The following CHST15 variants were observed in gnomAD, a reference collection of about 807,000 sequenced individuals.
CHST15 encodes the protein B cell RAG associated protein (GALNAC4S-6ST).
Under a neutral mutation model 53.6 loss-of-function variants are expected in CHST15, and 30 were observed. That is an observed-to-expected ratio of 0.56 (90% CI 0.42 to 0.76). The LOEUF (loss-of-function observed/expected upper bound fraction) is 0.76, where lower values mean the gene tolerates loss of function less well. CHST15 is among the 30% of genes least tolerant of loss of function. The pLI, the probability that CHST15 is intolerant of heterozygous loss-of-function variation, is 0.00. For synonymous variants in CHST15, 296 were observed against 289.8 expected (o/e 1.02, Z -0.22); for missense variants, 627 against 740.5 (o/e 0.85, Z 1.78).
Position 124,019,652 on chromosome 10 carries a change from G to C in CHST15, c.1347+1604C>G. The C allele has an allele frequency of 2.1e-6, 1 of 480,748 alleles. No individual in the cohort carries two copies. The highest frequency in any genetic ancestry group is 8.8e-5 in the South Asian group (1 of 11,390). 29.8% of individuals were successfully genotyped at this position (480,748 alleles called of 1,614,324 possible). On this transcript the variant is annotated intron_variant, in intron 6 of 7. Coordinates refer to ENST00000435907, the MANE Select transcript of CHST15 (RefSeq NM_001270764.2). This position sits in a 1 kb window ranked among gnomAD's most constrained non-coding sequence, Gnocchi z 4.6. ...TGAAATTTACGTTAAACAAGTATGT[G>C]TGCTTTCTCGCGTTAGTCTTTTATT...
In CHST15 at chr10:124,019,479, T is replaced by C. The variant is rs1346024321; in HGVS notation, c.1347+1777A>G. Among the ~76,000 whole-genome samples the C allele has an allele frequency of 6.6e-6, 1 of 152,132 alleles. No homozygotes were observed. Among genetic ancestry groups the C allele is most frequent in the African/African-American group, 2.4e-5 (1 of 41,424 alleles). On this transcript the variant is annotated intron_variant, in intron 6 of 7. Transcript: ENST00000435907. This position sits in a 1 kb window ranked among gnomAD's most constrained non-coding sequence, Gnocchi z 4.6. ...CGAGACCCTGTGTCCCCTGTGACGGTGGCCACAGAGCCATTGAGTCATTCC... is the reference window on the plus strand; with the variant it reads ...CGAGACCCTGTGTCCCCTGTGACGGCGGCCACAGAGCCATTGAGTCATTCC...
At chr10:124,044,955 G>A (rs774402893) in intron 2 of CHST15, 36 bp from the exon 3 acceptor site, 9 of 1,373,226 alleles carry the variant, frequency 6.6e-6, no homozygotes, top group Admixed American at 2.9e-5. Context: ...CACAGAGGAG[G>A]GGAAAATGAG....
chr10:124,019,759 G>T lies in CHST15; in HGVS notation c.1347+1497C>A. On this transcript the variant is annotated intron_variant, in intron 6 of 7. Coordinates refer to ENST00000435907, the MANE Select transcript of CHST15 (RefSeq NM_001270764.2). The surrounding 1 kb of genome is among the most constrained non-coding windows in gnomAD (Gnocchi z 4.6). ...ATCTTCTGCTTAAAACCCTCTGAGG[G>T]GTCCCATCTCTCTCAGGGTGATGTC... The T allele has an allele frequency of 1.0e-6, 1 of 983,656 alleles. No individual in the cohort carries two copies. Among genetic ancestry groups the T allele is most frequent in the Non-Finnish European group, 1.2e-6 (1 of 828,334 alleles). The allele number at this position is 983,656 out of a possible 1,614,324, so 60.9% of individuals were successfully genotyped here. A position where few individuals can be genotyped will look rare whatever the true frequency, so the allele number is the denominator to read the frequency against.
intron 4 of CHST15, among the ~76,000 whole-genome samples, chr10:124,039,628 G>A (rs138943881): frequency 2.6e-5 from 4 of 152,222 alleles, no homozygotes; most frequent in South Asian, 4.1e-4. Flanking sequence ...TGGTCCTCAC[G>A]AGTGAAGGAT....
chr10:124,037,796 G>A (rs1947561387), intron 5 of CHST15, among the ~76,000 whole-genome samples: 1 of 152,196 alleles, frequency 6.6e-6, no homozygotes, highest in Non-Finnish European at 1.5e-5. Context: ...GCTGGAAACT[G>A]TACATTCAAC....
intron 1 of CHST15, among the ~76,000 whole-genome samples, chr10:124,062,508 C>T (rs527653708): frequency 3.9e-5 from 6 of 152,256 alleles, no homozygotes; most frequent in Non-Finnish European, 7.4e-5. Context: ...GGGAGATTAA[C>T]GGCAGTACCG....
intron 5 of CHST15, among the ~76,000 whole-genome samples, chr10:124,022,962 G>A (rs760319997): frequency 2.6e-5 from 4 of 151,700 alleles, no homozygotes; most frequent in Admixed American, 1.3e-4. Context: ...GACTACAGGC[G>A]CCTGCCCACC....
chr10:124,081,422 C>T (rs1430977213), intron 1 of CHST15, among the ~76,000 whole-genome samples: 1 of 152,168 alleles, frequency 6.6e-6, no homozygotes, highest in Non-Finnish European at 1.5e-5. Flanking sequence ...GCCCAGCATC[C>T]ATCCCCGGAG....
chr10:124,035,066 C>T (rs1947408732), intron 5 of CHST15, among the ~76,000 whole-genome samples: 3 of 141,960 alleles, frequency 2.1e-5, no homozygotes, highest in South Asian at 2.3e-4. Context: ...ACCCCGGCTC[C>T]ACCCCCTAAC....
chr10:124,010,785 A>G (rs972886443), intron 7 of CHST15: 3 of 985,408 alleles, frequency 3.0e-6, no homozygotes, highest in African/African-American at 1.7e-5. Context: ...CAGGCTGCTC[A>G]TGCCAAGGTC....
At chr10:124,022,222 C>T (rs771814205) in intron 5 of CHST15, among the ~76,000 whole-genome samples, 1 of 152,208 alleles carries the variant, frequency 6.6e-6, no homozygotes, top group Admixed American at 6.5e-5. Flanking sequence ...GGCTACTGTT[C>T]TGGACTGAGC....
At chr10:124,091,882 TA>T (rs1949609629) in intron 1 of CHST15, among the ~76,000 whole-genome samples, 1 of 152,126 alleles carries the variant, frequency 6.6e-6, no homozygotes, top group East Asian at 1.9e-4. Context: ...TCCTCCTCTA[TA>T]CCCGCCGTCC....
chr10:124,008,963 C>G lies in CHST15; in HGVS notation c.*1186G>C, dbSNP rs1207002523. On this transcript the variant is annotated 3_prime_UTR_variant, in exon 8 of 8. Transcript: ENST00000435907. ...CATGAAGAACACGGCTCTTAGAAAC[C>G]TCATTCCAAATCTCAACACGCCACG... 3.1e-6 allele frequency: 4 copies of G among 1,289,068 alleles called. No individual in the cohort carries two copies. Among genetic ancestry groups the G allele is most frequent in the Non-Finnish European group, 3.0e-6 (3 of 988,700 alleles). The allele number at this position is 1,289,068 out of a possible 1,614,324, so 79.9% of individuals were successfully genotyped here.
At chr10:124,012,516 A>G in intron 6 of CHST15, 36 bp from the exon 7 acceptor site, 1 of 1,594,820 alleles carries the variant, frequency 6.3e-7, no homozygotes, top group Non-Finnish European at 8.6e-7. Flanking sequence ...TTTCAGGAGC[A>G]GTTGCCCCAA....
At chr10:124,055,708 C>G (rs527881804) in intron 1 of CHST15, among the ~76,000 whole-genome samples, 1 of 152,168 alleles carries the variant, frequency 6.6e-6, no homozygotes, top group South Asian at 2.1e-4. Context: ...GAAAAGCTCA[C>G]CCCCCTCCAA....
At position 124,055,765 on chromosome 10, in the gene CHST15, C is replaced by T. The variant is rs1438686627; in HGVS notation, c.-512-9041G>A. On this transcript the variant is annotated intron_variant, in intron 1 of 7. Coordinates refer to ENST00000435907, the MANE Select transcript of CHST15 (RefSeq NM_001270764.2). ...TTGTTTCAGTGCTCAACAACAAGGG[C>T]CAACTTTCCAGAAACGCACCCATCC... is the stretch of plus-strand genomic sequence containing the variant. 2.0e-5 allele frequency among the ~76,000 whole-genome samples: 3 copies of T among 152,294 alleles called. No individual in the cohort carries two copies. The South Asian group carries it at 6.2e-4, about 32-fold the overall frequency.
chr10:124,066,475 G>C (rs1948753992), intron 1 of CHST15, among the ~76,000 whole-genome samples: 2 of 151,658 alleles, frequency 1.3e-5, no homozygotes, highest in African/African-American at 4.8e-5. Context: ...AAAAAAACGA[G>C]TTTACACGGT....
At chr10:124,089,304 C>A (rs1023172246) in intron 1 of CHST15, among the ~76,000 whole-genome samples, 1 of 152,198 alleles carries the variant, frequency 6.6e-6, no homozygotes, top group Non-Finnish European at 1.5e-5. Context: ...CTTTTAAAAA[C>A]AGTCTCTGCT....
chr10:124,031,261 C>T (rs1349932816), intron 5 of CHST15, among the ~76,000 whole-genome samples: 3 of 152,232 alleles, frequency 2.0e-5, no homozygotes, highest in Non-Finnish European at 2.9e-5. Flanking sequence ...ATTTTCCTCT[C>T]CTATGTACAG....
Sources: allele counts gnomAD v4.1 joint callset (sites outside exome capture counted in the v4.1 genomes callset), GRCh38; gene constraint gnomAD v4.1.1; non-coding constraint Gnocchi (gnomAD v3.1); transcripts MANE v1.5; gene names NCBI Gene and HGNC (gene_info 2026-07-23, HGNC 2026-07-21).